Variants in CEACAM4 observed in about 807,000 individuals in gnomAD.
The protein encoded by CEACAM4 is cell adhesion molecule CEACAM4.
In CEACAM4, 30 loss-of-function variants were observed where a neutral mutation model predicts 28.7. That is an observed-to-expected ratio of 1.05 (90% CI 0.78 to 1.42). CEACAM4 has a LOEUF of 1.42. Among genes scored for constraint, CEACAM4 ranks in the 40% most tolerant of loss-of-function variants. CEACAM4 has a pLI of 0.00. For synonymous variants in CEACAM4, 143 were observed against 126.5 expected, an observed-to-expected ratio of 1.13 and a Z score of -0.87; for missense variants, 330 against 308.2, an observed-to-expected ratio of 1.07 and a Z score of -0.53.
chr19:41,619,553 C>A (rs1555800202), intron 6 of CEACAM4, 117 bp downstream of exon 6: 12 of 1,544,360 alleles, frequency 7.8e-6, no homozygotes, highest in Non-Finnish European at 1.1e-5. Flanking sequence ...TGCTCACCAC[C>A]ACCTGTTCTC....
rs912019218 is a variant in CEACAM4, at chr19:41,625,912, A to G, written c.113T>C (p.Ile38Thr). The G allele has an allele frequency of 1.3e-5, 21 of 1,613,750 alleles. No homozygotes were observed. Among genetic ancestry groups the G allele is most frequent in the Admixed American group, 1.7e-5 (1 of 60,010 alleles). The stretch of plus-strand genomic sequence containing the variant: ...TGCAGCACTGGACGGCAGGGCTTCA[A>G]TAGTGAACTGGACAGTGGTGGGCGG... ...WHPPTTVQFT[I>T]EALPSSAAEG... Residue 38 changes from isoleucine to threonine, a missense_variant, in exon 2 of 7, where the codon ATT (isoleucine) becomes ACT (threonine). Transcript: ENST00000221954.
At chr19:41,624,865 C>T (rs141368279) in intron 2 of CEACAM4, among the ~76,000 whole-genome samples, 9 of 152,314 alleles carry the variant, frequency 5.9e-5, no homozygotes, top group Admixed American at 3.9e-4. Context: ...ACATCAACAG[C>T]ATCTGTTATT....
downstream of CEACAM4, among the ~76,000 whole-genome samples, chr19:41,614,051 A>G (rs1184690750): frequency 6.6e-6 from 1 of 152,234 alleles, no homozygotes; most frequent in African/African-American, 2.4e-5. Flanking sequence ...TGCAGCATGT[A>G]TGGAGGGCAC....
At chr19:41,619,435 C>A in intron 6 of CEACAM4, 40 bp from the exon 7 acceptor site, 1 of 1,609,354 alleles carries the variant, frequency 6.2e-7, no homozygotes, top group Non-Finnish European at 8.5e-7. Flanking sequence ...CTGTAGCCTT[C>A]TCAGAACAGT....
downstream of CEACAM4, among the ~76,000 whole-genome samples, chr19:41,616,613 A>T (rs73931724): frequency 0.023 from 3,440 of 152,254 alleles, 138 homozygotes; most frequent in African/African-American, 0.078. Context: ...AAGAACAAGC[A>T]GATGGCAAAG....
chr19:41,626,353 C>T (rs2071663073), intron 1 of CEACAM4, among the ~76,000 whole-genome samples: 1 of 152,176 alleles, frequency 6.6e-6, no homozygotes, highest in South Asian at 2.1e-4. Flanking sequence ...CTCTTGTCAG[C>T]ACCTGACCTC....
chr19:41,626,678 T>C (rs1220583428), intron 1 of CEACAM4, among the ~76,000 whole-genome samples: 2 of 152,202 alleles, frequency 1.3e-5, no homozygotes, highest in African/African-American at 2.4e-5. Context: ...ACTTGAGATT[T>C]TCCTGCCTTT....
At chr19:41,624,263 C>T (rs2071497617) in intron 2 of CEACAM4, among the ~76,000 whole-genome samples, 2 of 152,138 alleles carry the variant, frequency 1.3e-5, no homozygotes, top group Admixed American at 6.5e-5. Flanking sequence ...TCATTCCCTC[C>T]CTCCTTCATG....
chr19:41,620,684 C>G (rs1325355882), intron 3 of CEACAM4, 57 bp from the exon 4 acceptor site: 1 of 1,423,582 alleles, frequency 7.0e-7, no homozygotes, highest in Middle Eastern at 1.8e-4. Context: ...GGTTTAGGGG[C>G]AGAATAAAGG....
chr19:41,619,773 G>A, intron 5 of CEACAM4, 62 bp from the exon 6 acceptor site: 1 of 1,385,846 alleles, frequency 7.2e-7, no homozygotes, highest in Non-Finnish European at 9.7e-7. Flanking sequence ...AGCCCAGCCT[G>A]GAAGGTTCCT....
chr19:41,622,713 C>G (rs1555802065), intron 2 of CEACAM4, among the ~76,000 whole-genome samples: 1 of 152,148 alleles, frequency 6.6e-6, no homozygotes, highest in South Asian at 2.1e-4. Flanking sequence ...AATAAGAATA[C>G]TAGTTGATAG....
chr19:41,613,829 G>A, the CEACAM4 span, among the ~76,000 whole-genome samples: 1 of 152,176 alleles, frequency 6.6e-6, no homozygotes, highest in Non-Finnish European at 1.5e-5. Flanking sequence ...TGAGGAACTG[G>A]AAGGAGGTGG....
intron 1 of CEACAM4, 140 bp from the exon 2 acceptor site, chr19:41,626,100 GT>G: frequency 5.2e-6 from 3 of 579,794 alleles, no homozygotes; most frequent in African/African-American, 3.9e-5. Flanking sequence ...GTGTGTGTGT[GT>G]GTGTGTGTGT....
chr19:41,621,981 T>G (rs1424713694), intron 2 of CEACAM4, among the ~76,000 whole-genome samples: 4 of 152,174 alleles, frequency 2.6e-5, no homozygotes, highest in Middle Eastern at 3.2e-3. Flanking sequence ...ATGTACCAAC[T>G]CCTACATTCT....
At chr19:41,620,526 C>T (rs372748355) in intron 4 of CEACAM4, 49 bp downstream of exon 4, 313 of 1,533,818 alleles carry the variant, frequency 2.0e-4, no homozygotes, top group South Asian at 2.3e-4. Context: ...GAGTGGACAC[C>T]GTAGGGCAGG....
downstream of CEACAM4, among the ~76,000 whole-genome samples, chr19:41,618,078 G>A (rs2122419679): frequency 7.6e-6 from 1 of 131,310 alleles, no homozygotes; most frequent in East Asian, 1.9e-4. Flanking sequence ...TTGTGGGAAG[G>A]TGGCACCTGG....
chr19:41,626,800 G>A (rs1263168448), intron 1 of CEACAM4, 100 bp downstream of exon 1: 1 of 989,766 alleles, frequency 1.0e-6, no homozygotes, highest in Non-Finnish European at 1.5e-6. Context: ...AGAGCCCCAG[G>A]AGACCCCAGC....
chr19:41,613,706 AGCAG>A, the CEACAM4 span, among the ~76,000 whole-genome samples: 33 of 152,164 alleles, frequency 2.2e-4, no homozygotes, highest in Non-Finnish European at 3.5e-4. Flanking sequence ...TGGTCACTGC[AGCAG>A]GCAGGGTGTG....
intron 1 of CEACAM4, 78 bp downstream of exon 1, chr19:41,626,822 T>A: frequency 7.6e-7 from 1 of 1,320,798 alleles, no homozygotes; most frequent in Non-Finnish European, 1.1e-6. Context: ...AGAAGCCCTC[T>A]ATCCCCTCCT....
Sources: gnomAD v4.1 joint callset for allele counts (sites outside exome capture counted in the v4.1 genomes callset) on GRCh38, gnomAD v4.1.1 for gene constraint, MANE v1.5 for transcripts, NCBI Gene and HGNC (gene_info 2026-07-23, HGNC 2026-07-21) for gene names.